Variants in HMCN1 observed in about 807,000 individuals in gnomAD.
HMCN1 encodes the protein hemicentin 1, also known as hemicentin-1.
Under a neutral mutation model 625.9 loss-of-function variants are expected in HMCN1, and 321 were observed. The ratio of observed to expected loss-of-function variants is 0.51; its 90% CI spans 0.47 to 0.56. The LOEUF (loss-of-function observed/expected upper bound fraction) is 0.56. HMCN1 is among the 20% of genes least tolerant of loss of function. The pLI is 0.00. For synonymous variants in HMCN1, 2,425 were observed against 2,417.6 expected (o/e 1.00, Z -0.09); for missense variants, 6,588 against 6,887.3 (o/e 0.96, Z 1.54).
At chr1:186,031,826 G>T (rs574603155) in intron 36 of HMCN1, among the ~76,000 whole-genome samples, 2 of 151,608 alleles carry the variant, frequency 1.3e-5, no homozygotes, top group African/African-American at 4.8e-5. Context: ...TTTTCATTTG[G>T]CTTTTAAAAG....
chr1:185,806,752 C>A (rs895091484), intron 1 of HMCN1, among the ~76,000 whole-genome samples: 1 of 151,878 alleles, frequency 6.6e-6, no homozygotes, highest in African/African-American at 2.4e-5. Context: ...TAAATGTAAC[C>A]CACTACAAAG....
At chr1:186,091,058 CT>C (rs928584305) in intron 64 of HMCN1, 141 bp downstream of exon 64, 173 of 928,276 alleles carry the variant, frequency 1.9e-4, no homozygotes, top group Middle Eastern at 9.0e-4. Flanking sequence ...AAACAAAAAA[CT>C]TTTTTTTGAG....
At chr1:185,967,287 A>G (rs978833041) in intron 14 of HMCN1, among the ~76,000 whole-genome samples, 17 of 152,128 alleles carry the variant, frequency 1.1e-4, no homozygotes, top group African/African-American at 3.4e-4. Context: ...TCCTTAATCA[A>G]TTAGTCTTCA....
Position 186,103,551 on chromosome 1 carries a change from T to G in HMCN1, c.10653T>G (p.Ile3551Met). The G allele has an allele frequency of 6.2e-7, 1 of 1,613,936 alleles. No individual in the cohort carries two copies. The highest frequency in any genetic ancestry group is 8.5e-7 in the Non-Finnish European group (1 of 1,179,836). Residue 3551 changes from isoleucine to methionine, a missense_variant, in exon 69 of 107, where the codon ATT becomes ATG. Coordinates refer to ENST00000271588, the MANE Select transcript of HMCN1 (RefSeq NM_031935.3). ...IVNNPLELTCIASGIPAPKMT... is the reference protein window; with the variant it reads ...IVNNPLELTCMASGIPAPKMT... Reference sequence around the variant, plus strand: ...ATAACCCACTTGAACTTACCTGCATTGCTTCTGGAATCCCAGCCCCTAAAA... The same window carrying G: ...ATAACCCACTTGAACTTACCTGCATGGCTTCTGGAATCCCAGCCCCTAAAA...
intron 1 of HMCN1, among the ~76,000 whole-genome samples, chr1:185,799,366 C>G (rs181421790): frequency 1.4e-3 from 208 of 152,248 alleles, no homozygotes; most frequent in Non-Finnish European, 2.0e-3. Context: ...GTACCTTAGG[C>G]AGTGGGCTGG....
intron 51 of HMCN1, 129 bp from the exon 52 acceptor site, chr1:186,070,483 G>A (rs760098317): frequency 1.6e-4 from 128 of 775,828 alleles, no homozygotes; most frequent in Non-Finnish European, 2.6e-4. Flanking sequence ...GATACTTAAT[G>A]AAAGGTCAGC....
chr1:186,056,817 G>A (rs1436101898), intron 45 of HMCN1, among the ~76,000 whole-genome samples: 1 of 151,636 alleles, frequency 6.6e-6, no homozygotes, highest in African/African-American at 2.4e-5. Context: ...TACGTGACAG[G>A]ATCAATCATA....
rs577366374 is a variant in HMCN1, at chr1:185,780,254, T to C, written c.268+45207T>C. 7.4e-3 allele frequency among the ~76,000 whole-genome samples: 1,131 copies of C among 152,248 alleles called. 8 individuals carry two copies. Among genetic ancestry groups the C allele is most frequent in the Middle Eastern group, 0.031 (9 of 294 alleles). ...AGCTTAAGGAGATTTTGGGCTGAGATGATGGGGTTTTCTAAATATACAATC... is the reference window on the plus strand; with the variant it reads ...AGCTTAAGGAGATTTTGGGCTGAGACGATGGGGTTTTCTAAATATACAATC... On this transcript the variant is annotated intron_variant, in intron 1 of 106. Transcript: ENST00000271588.
intron 30 of HMCN1, among the ~76,000 whole-genome samples, chr1:186,014,570 T>C (rs1654228970): frequency 6.6e-6 from 1 of 152,006 alleles, no homozygotes; most frequent in South Asian, 2.1e-4. Flanking sequence ...TTATGTAGTG[T>C]GAGAGGCCAG....
At chr1:185,999,671 T>G (rs1653042774) in intron 25 of HMCN1, among the ~76,000 whole-genome samples, 1 of 152,106 alleles carries the variant, frequency 6.6e-6, no homozygotes, top group African/African-American at 2.4e-5. Context: ...TGGTGTCTTA[T>G]TTTTGCTCTG....
At chr1:185,745,709 T>G (rs1378241249) in intron 1 of HMCN1, among the ~76,000 whole-genome samples, 1 of 152,220 alleles carries the variant, frequency 6.6e-6, no homozygotes, top group East Asian at 1.9e-4. Context: ...AGTCTCTCTG[T>G]GTGGATCTGT....
chr1:186,145,258 G>T, intron 91 of HMCN1, 145 bp from the exon 92 acceptor site: 2 of 705,860 alleles, frequency 2.8e-6, no homozygotes, highest in Non-Finnish European at 4.6e-6. Context: ...ATCTTCCTTT[G>T]GAAGTTGCCT....
At chr1:185,780,971 C>T (rs892503063) in intron 1 of HMCN1, among the ~76,000 whole-genome samples, 8 of 152,198 alleles carry the variant, frequency 5.3e-5, no homozygotes, top group African/African-American at 1.9e-4. Flanking sequence ...GTGAATCCAC[C>T]TGGTCCTGGA....
In HMCN1 at chr1:186,125,308, C is replaced by T. The variant is rs149096831; in HGVS notation, c.12500-296C>T. On this transcript the variant is annotated intron_variant, in intron 81 of 106. Coordinates refer to ENST00000271588, the MANE Select transcript of HMCN1 (RefSeq NM_031935.3). Reference sequence around the variant, plus strand: ...GCAGTAAACAGAAGTAACTTAAAGACGGAAAAGTCAGGGAAGCCAAATAAA... The same window carrying T: ...GCAGTAAACAGAAGTAACTTAAAGATGGAAAAGTCAGGGAAGCCAAATAAA... Among the ~76,000 whole-genome samples the T allele has an allele frequency of 1.2e-3, 184 of 152,044 alleles. 9 individuals carry two copies. The highest frequency in any genetic ancestry group is 1.9e-3 in the South Asian group (9 of 4,810).
chr1:186,171,354 G>T lies in HMCN1; in HGVS notation c.15592G>T (p.Glu5198Ter). 1.2e-6 allele frequency: 2 copies of T among 1,613,198 alleles called. No individual in the cohort carries two copies. The highest frequency in any genetic ancestry group is 8.5e-7 in the Non-Finnish European group (1 of 1,179,258). The change falls in exon 101 of 107, where the codon GAA (glutamate) becomes TAA (stop). Residue 5198 changes from glutamate to a stop codon, truncating the protein, a stop_gained. Coordinates refer to ENST00000271588, the MANE Select transcript of HMCN1 (RefSeq NM_031935.3). LOFTEE classifies it high-confidence loss of function. ...TTTAACAGATATTAATGAATGTCAA[G>T]AATCCAGCCCCTGTCACCAGCGCTG... ...LSCQDINECQ[E>*]SSPCHQRCFN...
chr1:186,104,813 A>C (rs1364613016), intron 69 of HMCN1, among the ~76,000 whole-genome samples: 1 of 152,170 alleles, frequency 6.6e-6, no homozygotes, highest in Non-Finnish European at 1.5e-5. Flanking sequence ...CATTTCAAAC[A>C]TTACAGTAAC....
intron 1 of HMCN1, among the ~76,000 whole-genome samples, chr1:185,740,823 G>A (rs898869808): frequency 2.6e-5 from 4 of 151,782 alleles, no homozygotes; most frequent in East Asian, 3.9e-4. Context: ...GTGAAACCCC[G>A]TCTCCACTAA....
At chr1:185,823,188 T>C (rs1390042767) in intron 1 of HMCN1, among the ~76,000 whole-genome samples, 1 of 152,164 alleles carries the variant, frequency 6.6e-6, no homozygotes, top group Non-Finnish European at 1.5e-5. Flanking sequence ...GACTATTAAA[T>C]GATTTATTCC....
intron 1 of HMCN1, among the ~76,000 whole-genome samples, chr1:185,799,709 A>T (rs2102221242): frequency 6.6e-6 from 1 of 152,290 alleles, no homozygotes; most frequent in South Asian, 2.1e-4. Context: ...TCTCCCACCC[A>T]AGCACCATGC....
Sources: allele counts gnomAD v4.1 joint callset (sites outside exome capture counted in the v4.1 genomes callset), GRCh38; gene constraint gnomAD v4.1.1; transcripts MANE v1.5; gene names NCBI Gene and HGNC (gene_info 2026-07-23, HGNC 2026-07-21).